Variants in SPOCK1 observed in about 807,000 individuals in gnomAD.
SPOCK1 encodes the protein testican-1.
Under a neutral mutation model 55.3 loss-of-function variants are expected in SPOCK1, and 23 were observed. That is an observed-to-expected ratio of 0.42 (90% CI 0.30 to 0.59). The LOEUF (loss-of-function observed/expected upper bound fraction) is 0.59, where lower values mean the gene tolerates loss of function less well. SPOCK1 is among the 20% of genes least tolerant of loss of function. The pLI, the probability that SPOCK1 is intolerant of heterozygous loss-of-function variation, is 0.22. For missense variants in SPOCK1, 499 were observed against 552.5 expected (o/e 0.90, Z 0.97); for synonymous variants, 226 against 221.0 (o/e 1.02, Z -0.20).
chr5:137,191,906 A>G (rs1361063876), intron 3 of SPOCK1, among the ~76,000 whole-genome samples: 1 of 152,148 alleles, frequency 6.6e-6, no homozygotes, highest in Non-Finnish European at 1.5e-5. Flanking sequence ...ACAGGAAACA[A>G]ATAATGAAAA....
rs572340749 is a variant in SPOCK1 at position 137,164,595 on chromosome 5, G to A, written c.233-23901C>T. On this transcript the variant is annotated intron_variant, in intron 3 of 10. Coordinates refer to ENST00000394945, the MANE Select transcript of SPOCK1 (RefSeq NM_004598.4). ...GTACCAACTTGGCCACAGTGAGATA[G>A]AGTACCAAGCAAGCTCTTGGAATCC... 3.3e-5 allele frequency among the ~76,000 whole-genome samples: 5 copies of A among 152,280 alleles called. No homozygotes were observed. In the South Asian group the frequency reaches 1.0e-3, roughly 32 times the overall value.
intron 5 of SPOCK1, among the ~76,000 whole-genome samples, chr5:137,086,067 G>T (rs970068728): frequency 6.6e-6 from 1 of 152,144 alleles, no homozygotes; most frequent in African/African-American, 2.4e-5. Context: ...AGTATTTAGC[G>T]CAGGGACTCC....
chr5:137,117,367 T>C (rs566099219), intron 4 of SPOCK1, among the ~76,000 whole-genome samples: 2 of 152,378 alleles, frequency 1.3e-5, no homozygotes, highest in African/African-American at 4.8e-5. Flanking sequence ...TCCCAAGTAG[T>C]TAACCATGAC....
chr5:137,078,258 G>A (rs1752814179), intron 5 of SPOCK1, among the ~76,000 whole-genome samples: 1 of 152,168 alleles, frequency 6.6e-6, no homozygotes. Context: ...CTGAGGTGCT[G>A]GCACCTGCTT....
At chr5:137,016,486 C>A (rs1343351260) in intron 6 of SPOCK1, among the ~76,000 whole-genome samples, 1 of 152,156 alleles carries the variant, frequency 6.6e-6, no homozygotes, top group Non-Finnish European at 1.5e-5. Context: ...AATAAGAAGA[C>A]CTAGAAAATA....
intron 4 of SPOCK1, among the ~76,000 whole-genome samples, chr5:137,131,906 AGCTTGC>A: frequency 7.3e-6 from 1 of 137,218 alleles, no homozygotes; most frequent in African/African-American, 2.8e-5. Context: ...CGGGAGGCGG[AGCTTGC>A]AGTGAGCCGA....
At chr5:137,416,466 C>T (rs1752329892) in intron 2 of SPOCK1, among the ~76,000 whole-genome samples, 1 of 152,016 alleles carries the variant, frequency 6.6e-6, no homozygotes, top group Non-Finnish European at 1.5e-5. Flanking sequence ...TTAAATATAC[C>T]TATCGCATTC....
At chr5:137,187,994 G>A (rs1755107658) in intron 3 of SPOCK1, among the ~76,000 whole-genome samples, 1 of 152,130 alleles carries the variant, frequency 6.6e-6, no homozygotes, top group South Asian at 2.1e-4. Context: ...CCACCCCTTG[G>A]AGCAAATATA....
chr5:137,446,496 C>G (rs1753131008), intron 2 of SPOCK1, among the ~76,000 whole-genome samples: 1 of 152,076 alleles, frequency 6.6e-6, no homozygotes, highest in African/African-American at 2.4e-5. Flanking sequence ...TGAGAGATCC[C>G]AGAACAAGTC....
chr5:137,046,688 G>A (rs1580723994), intron 6 of SPOCK1, among the ~76,000 whole-genome samples: 3 of 38,408 alleles, frequency 7.8e-5, no homozygotes, highest in Admixed American at 3.3e-4. Flanking sequence ...GAATAGGAGT[G>A]GTGAGAGAGG....
At chr5:137,050,651 A>G (rs1752189128) in intron 6 of SPOCK1, among the ~76,000 whole-genome samples, 1 of 152,220 alleles carries the variant, frequency 6.6e-6, no homozygotes, top group Non-Finnish European at 1.5e-5. Context: ...CTATTCGGCC[A>G]TCTTGATAAA....
intron 2 of SPOCK1, among the ~76,000 whole-genome samples, chr5:137,421,152 G>C (rs1752483856): frequency 6.6e-6 from 1 of 152,212 alleles, no homozygotes; most frequent in African/African-American, 2.4e-5. Context: ...TTGCACTGTG[G>C]TCTGAGAGAC....
intron 6 of SPOCK1, among the ~76,000 whole-genome samples, chr5:137,045,177 T>G (rs922121338): frequency 6.6e-6 from 1 of 150,450 alleles, no homozygotes; most frequent in Admixed American, 6.6e-5. Context: ...GATGGCTGGG[T>G]CAAATGGTAT....
intron 2 of SPOCK1, among the ~76,000 whole-genome samples, chr5:137,342,557 T>A (rs1160729502): frequency 6.6e-6 from 1 of 152,236 alleles, no homozygotes; most frequent in African/African-American, 2.4e-5. Context: ...CGATTTCCAC[T>A]AGAAGAATGT....
chr5:137,081,640 C>T (rs1752879276), intron 5 of SPOCK1, among the ~76,000 whole-genome samples: 1 of 152,190 alleles, frequency 6.6e-6, no homozygotes, highest in Non-Finnish European at 1.5e-5. Flanking sequence ...AACGAAACCA[C>T]AGATAAAGGT....
chr5:137,267,112 C>T, intron 2 of SPOCK1, 57 bp from the exon 3 acceptor site: 1 of 1,453,510 alleles, frequency 6.9e-7, no homozygotes. Flanking sequence ...TCTCACATAA[C>T]TGCATAAAAA....
chr5:137,239,333 A>G (rs1182921349), intron 3 of SPOCK1, among the ~76,000 whole-genome samples: 1 of 152,258 alleles, frequency 6.6e-6, no homozygotes, highest in Non-Finnish European at 1.5e-5. Flanking sequence ...CCCTTGCCCT[A>G]TGTATCTCTT....
chr5:137,460,853 G>A (rs1397482511), intron 2 of SPOCK1, among the ~76,000 whole-genome samples: 2 of 151,992 alleles, frequency 1.3e-5, no homozygotes, highest in South Asian at 2.1e-4. Context: ...CCACCTCTGG[G>A]CCTCTGCGTT....
chr5:137,285,471 A>G (rs1219487269), intron 2 of SPOCK1, among the ~76,000 whole-genome samples: 1 of 152,072 alleles, frequency 6.6e-6, no homozygotes, highest in Non-Finnish European at 1.5e-5. Flanking sequence ...TCATTACCAA[A>G]CCATTTTGGG....
Sources: gnomAD v4.1 joint callset for allele counts (sites outside exome capture counted in the v4.1 genomes callset) on GRCh38, gnomAD v4.1.1 for gene constraint, MANE v1.5 for transcripts, NCBI Gene and HGNC (gene_info 2026-07-23, HGNC 2026-07-21) for gene names.